BMPR1B: variants seen among roughly 807,000 people sequenced by gnomAD.
The protein encoded by BMPR1B is bone morphogenetic protein receptor type 1B.
A neutral mutation model predicts 59.1 loss-of-function variants in BMPR1B; 12 were observed. The observed-to-expected ratio is 0.20, with a 90% CI of 0.13 to 0.33. The LOEUF is 0.33. Among genes scored for constraint, BMPR1B ranks in the 10% least tolerant of loss-of-function variants. BMPR1B has a pLI of 1.00. For synonymous variants in BMPR1B, 237 were observed against 207.3 expected, an observed-to-expected ratio of 1.14 and a Z score of -1.23; for missense variants, 550 against 610.9, an observed-to-expected ratio of 0.90 and a Z score of 1.05.
chr4:94,968,979 G>A (rs1730669088), intron 2 of BMPR1B, among the ~76,000 whole-genome samples: 2 of 151,680 alleles, frequency 1.3e-5, no homozygotes. Flanking sequence ...TCCTTTTTTG[G>A]TGGATTTTCC....
intron 1 of BMPR1B, among the ~76,000 whole-genome samples, chr4:94,860,823 T>C (rs1258700088): frequency 7.5e-6 from 1 of 132,998 alleles, no homozygotes; most frequent in African/African-American, 3.8e-5. Flanking sequence ...TATATGTCTT[T>C]TATATGTTGG....
At chr4:95,049,480 A>G (rs1397923136) in intron 3 of BMPR1B, among the ~76,000 whole-genome samples, 2 of 103,918 alleles carry the variant, frequency 1.9e-5, no homozygotes, top group South Asian at 3.1e-4. Context: ...TGCAGTTCAT[A>G]TATTCCAAAC....
chr4:95,061,046 T>TGC (rs33942915), intron 3 of BMPR1B, among the ~76,000 whole-genome samples: 1 of 242 alleles, frequency 4.1e-3, no homozygotes, highest in East Asian at 0.013. Context: ...ATTGTTGTTA[T>TGC]CATTAACTGG....
chr4:94,776,759 G>T (rs1420813966), intron 1 of BMPR1B, among the ~76,000 whole-genome samples: 1 of 152,092 alleles, frequency 6.6e-6, no homozygotes, highest in Non-Finnish European at 1.5e-5. Context: ...TCTTGGTTCT[G>T]CAAGACTTGA....
intron 1 of BMPR1B, among the ~76,000 whole-genome samples, chr4:94,788,281 C>T (rs1388675783): frequency 6.6e-6 from 1 of 152,098 alleles, no homozygotes; most frequent in Non-Finnish European, 1.5e-5. Context: ...CATAAAGAAG[C>T]ATTGGTAGAC....
chr4:95,147,735 A>G (rs933619800), intron 10 of BMPR1B, among the ~76,000 whole-genome samples: 1 of 152,170 alleles, frequency 6.6e-6, no homozygotes, highest in Non-Finnish European at 1.5e-5. Context: ...TTTTCTACCT[A>G]GTTCCTTTAC....
intron 1 of BMPR1B, among the ~76,000 whole-genome samples, chr4:94,872,406 C>T (rs541352829): frequency 2.3e-3 from 350 of 152,192 alleles, no homozygotes; most frequent in African/African-American, 7.9e-3. Context: ...ATCAATAGCA[C>T]GTTTAGTGAT....
At chr4:94,808,833 G>T (rs935315589) in intron 1 of BMPR1B, among the ~76,000 whole-genome samples, 1 of 152,136 alleles carries the variant, frequency 6.6e-6, no homozygotes, top group Non-Finnish European at 1.5e-5. Context: ...AAGGCGGGCG[G>T]ATCACAAAGT....
intron 1 of BMPR1B, among the ~76,000 whole-genome samples, chr4:94,859,281 T>A (rs564914748): frequency 1.1e-4 from 16 of 152,178 alleles, no homozygotes; most frequent in Non-Finnish European, 2.2e-4. Context: ...AAAAAAAGAA[T>A]TACTTTTTAA....
At chr4:94,832,522 C>T (rs1353915566) in intron 1 of BMPR1B, among the ~76,000 whole-genome samples, 3 of 152,152 alleles carry the variant, frequency 2.0e-5, no homozygotes, top group Non-Finnish European at 4.4e-5. Context: ...TCGCTCATGC[C>T]TGTAATCCCA....
intron 4 of BMPR1B, among the ~76,000 whole-genome samples, chr4:95,105,816 T>C (rs1292909731): frequency 6.6e-6 from 1 of 151,988 alleles, no homozygotes; most frequent in African/African-American, 2.4e-5. Flanking sequence ...TGCCTCTTTA[T>C]AGTAAATAGA....
At chr4:95,103,451 C>T (rs1579082981) in intron 3 of BMPR1B, 5 of 985,052 alleles carry the variant, frequency 5.1e-6, no homozygotes, top group South Asian at 4.7e-5. Flanking sequence ...AAACTGCTCA[C>T]GGTGACAATT....
At chr4:95,090,429 G>A (rs1276083901) in intron 3 of BMPR1B, among the ~76,000 whole-genome samples, 2 of 151,810 alleles carry the variant, frequency 1.3e-5, no homozygotes, top group Non-Finnish European at 2.9e-5. Context: ...TAAGATTTCA[G>A]GTCATTTGTT....
At chr4:94,926,000 C>T (rs1337020518) in intron 2 of BMPR1B, among the ~76,000 whole-genome samples, 2 of 145,086 alleles carry the variant, frequency 1.4e-5, no homozygotes, top group African/African-American at 5.1e-5. Flanking sequence ...CTTTCCTCCT[C>T]TTTCCTCCCC....
At chr4:94,773,980 A>C (rs1304561557) in intron 1 of BMPR1B, among the ~76,000 whole-genome samples, 1 of 152,064 alleles carries the variant, frequency 6.6e-6, no homozygotes, top group Admixed American at 6.6e-5. Context: ...AGATTTCTTG[A>C]AAATGTCTGG....
intron 1 of BMPR1B, among the ~76,000 whole-genome samples, chr4:94,872,617 G>A (rs1272570238): frequency 1.3e-5 from 2 of 152,134 alleles, no homozygotes; most frequent in African/African-American, 4.8e-5. Context: ...TGCCAGTGGA[G>A]CATGCCTGTA....
intron 1 of BMPR1B, among the ~76,000 whole-genome samples, chr4:94,837,091 G>A (rs1246197766): frequency 9.0e-5 from 13 of 144,660 alleles, no homozygotes; most frequent in Admixed American, 1.4e-4. Context: ...TTATTTCTGA[G>A]GGCTCTGTTC....
At chr4:95,051,284 G>A (rs1397623886) in intron 3 of BMPR1B, among the ~76,000 whole-genome samples, 2 of 152,166 alleles carry the variant, frequency 1.3e-5, no homozygotes, top group African/African-American at 4.8e-5. Flanking sequence ...AAAAATGTTG[G>A]TAAAAGAAAC....
chr4:95,120,650 CT>C (rs370681484), intron 6 of BMPR1B, among the ~76,000 whole-genome samples: 474 of 35,898 alleles, frequency 0.013, 5 homozygotes, highest in Middle Eastern at 0.065. Flanking sequence ...TCCTTCCTTC[CT>C]TTCCTTCCTT....
Sources: allele counts gnomAD v4.1 joint callset (sites outside exome capture counted in the v4.1 genomes callset), GRCh38; gene constraint gnomAD v4.1.1; transcripts MANE v1.5; gene names NCBI Gene and HGNC (gene_info 2026-07-23, HGNC 2026-07-21).